DOCK2: variants seen among roughly 807,000 people sequenced by gnomAD.
DOCK2 encodes dedicator of cytokinesis protein 2.
In DOCK2, 87 loss-of-function variants were observed where a neutral mutation model predicts 248.9. The observed-to-expected ratio is 0.35, with a 90% CI of 0.29 to 0.42. The LOEUF (loss-of-function observed/expected upper bound fraction) is 0.42. Among genes scored for constraint, DOCK2 ranks in the 10% least tolerant of loss-of-function variants. DOCK2 has a pLI of 1.00. For synonymous variants in DOCK2, 805 were observed against 821.6 expected, an observed-to-expected ratio of 0.98 and a Z score of 0.35; for missense variants, 1,747 against 2,300.2, an observed-to-expected ratio of 0.76 and a Z score of 4.92.
At chr5:169,940,874 C>G (rs760877422) in intron 27 of DOCK2, among the ~76,000 whole-genome samples, 2 of 152,154 alleles carry the variant, frequency 1.3e-5, no homozygotes, top group Non-Finnish European at 2.9e-5. Context: ...GTGTTGGGGA[C>G]CCCAGATCTA....
At chr5:169,875,669 G>A (rs1367041273) in intron 27 of DOCK2, 2 of 177,766 alleles carry the variant, frequency 1.1e-5, no homozygotes, top group Admixed American at 1.2e-4. Flanking sequence ...TCTGTAACAT[G>A]GGGGTACTTT....
intron 25 of DOCK2, among the ~76,000 whole-genome samples, chr5:169,767,356 A>T (rs971838818): frequency 5.9e-5 from 9 of 152,162 alleles, no homozygotes; most frequent in African/African-American, 2.2e-4. Flanking sequence ...TACTCTGTTG[A>T]TAGTTGCTTT....
At chr5:169,850,104 G>A (rs555257703) in intron 27 of DOCK2, among the ~76,000 whole-genome samples, 5 of 152,252 alleles carry the variant, frequency 3.3e-5, no homozygotes, top group African/African-American at 9.6e-5. Context: ...GGTGGGGAGC[G>A]GAAGCATCCC....
chr5:169,731,411 C>T (rs1762760991), intron 22 of DOCK2, among the ~76,000 whole-genome samples: 1 of 152,208 alleles, frequency 6.6e-6, no homozygotes, highest in African/African-American at 2.4e-5. Context: ...CAAGCTCCCT[C>T]TTTGCCTGCT....
At chr5:169,864,546 G>T in intron 27 of DOCK2, 1 of 1,071,940 alleles carries the variant, frequency 9.3e-7, no homozygotes, top group South Asian at 1.7e-5. Flanking sequence ...TAATATGGAA[G>T]AGCATGAGCT....
intron 32 of DOCK2, among the ~76,000 whole-genome samples, chr5:170,013,256 C>T (rs1210424698): frequency 1.3e-5 from 2 of 152,046 alleles, no homozygotes; most frequent in African/African-American, 4.8e-5. Flanking sequence ...GTGTGGCCAT[C>T]CGTCCATTCA....
chr5:169,850,584 T>G (rs1255026311), intron 27 of DOCK2, among the ~76,000 whole-genome samples: 1 of 152,176 alleles, frequency 6.6e-6, no homozygotes, highest in African/African-American at 2.4e-5. Context: ...AATGACAGTT[T>G]GTAGCCAAAA....
At chr5:169,862,506 GA>G (rs60698190) in intron 27 of DOCK2, among the ~76,000 whole-genome samples, 40 of 150,194 alleles carry the variant, frequency 2.7e-4, no homozygotes, top group Admixed American at 1.5e-3. Context: ...ATGGATACAG[GA>G]AAAAAAAAAT....
chr5:170,030,113 A>T (rs1186987365), intron 34 of DOCK2, among the ~76,000 whole-genome samples: 1 of 152,236 alleles, frequency 6.6e-6, no homozygotes, highest in African/African-American at 2.4e-5. Flanking sequence ...TATTGACCAG[A>T]AGTGAAGCAA....
chr5:169,880,372 T>C (rs1214757693), intron 27 of DOCK2, among the ~76,000 whole-genome samples: 1 of 152,202 alleles, frequency 6.6e-6, no homozygotes, highest in East Asian at 1.9e-4. Context: ...CCAGAGAGAA[T>C]GAGAAGTTTT....
chr5:169,887,442 T>G (rs934281772), intron 27 of DOCK2, among the ~76,000 whole-genome samples: 1 of 152,152 alleles, frequency 6.6e-6, no homozygotes, highest in African/African-American at 2.4e-5. Flanking sequence ...ACATTCATTC[T>G]AGCCTTCTCC....
At position 169,792,032 on chromosome 5, in the gene DOCK2, G is replaced by C. The variant is rs138471830; in HGVS notation, c.2555-11026G>C. On this transcript the variant is annotated intron_variant, in intron 25 of 51. Coordinates refer to ENST00000520908, the MANE Select transcript of DOCK2 (RefSeq NM_004946.3). Reference sequence around the variant, plus strand: ...GAGTTCCTGGTTAAGTAGAGATTGAGAGTCATGAAACCATGGAATTCTATG... The same window carrying C: ...GAGTTCCTGGTTAAGTAGAGATTGACAGTCATGAAACCATGGAATTCTATG... Among the ~76,000 whole-genome samples, 678 of 152,298 alleles carry C rather than the reference G, an allele frequency of 4.5e-3. 11 individuals are homozygous for C. The highest frequency in any genetic ancestry group is 0.016 in the African/African-American group (660 of 41,564).
chr5:170,015,279 T>A (rs1233899884), intron 32 of DOCK2, among the ~76,000 whole-genome samples: 1 of 152,192 alleles, frequency 6.6e-6, no homozygotes, highest in African/African-American at 2.4e-5. Flanking sequence ...GATTTTATTA[T>A]CTTCATCTTA....
chr5:169,984,435 T>C (rs1420477647), intron 28 of DOCK2, among the ~76,000 whole-genome samples: 2 of 152,304 alleles, frequency 1.3e-5, no homozygotes, highest in Admixed American at 1.3e-4. Context: ...TGATAGGCAG[T>C]ATGCACTTAA....
chr5:170,070,434 C>T (rs985896231), intron 46 of DOCK2, among the ~76,000 whole-genome samples: 3 of 152,240 alleles, frequency 2.0e-5, no homozygotes, highest in African/African-American at 7.2e-5. Context: ...AAACACCAAG[C>T]ACTGCACAGA....
intron 30 of DOCK2, among the ~76,000 whole-genome samples, chr5:170,005,047 C>A (rs1447712401): frequency 2.2e-5 from 3 of 135,476 alleles, no homozygotes; most frequent in Non-Finnish European, 4.6e-5. Flanking sequence ...TGCACATGTA[C>A]CCTAAAACTT....
intron 26 of DOCK2, among the ~76,000 whole-genome samples, chr5:169,804,346 C>A (rs541820372): frequency 6.6e-6 from 1 of 152,150 alleles, no homozygotes; most frequent in African/African-American, 2.4e-5. Context: ...ATGACATACC[C>A]GGTGTGCGCT....
At chr5:169,739,197 C>T (rs1160948974) in intron 22 of DOCK2, among the ~76,000 whole-genome samples, 1 of 152,132 alleles carries the variant, frequency 6.6e-6, no homozygotes. Flanking sequence ...TTGGCATGAC[C>T]ATAGTTTAGA....
intron 27 of DOCK2, among the ~76,000 whole-genome samples, chr5:169,949,795 T>C (rs1776588856): frequency 1.3e-5 from 2 of 150,798 alleles, no homozygotes; most frequent in South Asian, 2.1e-4. Flanking sequence ...ACTGAGAAGG[T>C]TGTCACCCTG....
Sources: gnomAD v4.1 joint callset for allele counts (sites outside exome capture counted in the v4.1 genomes callset) on GRCh38, gnomAD v4.1.1 for gene constraint, MANE v1.5 for transcripts, NCBI Gene and HGNC (gene_info 2026-07-23, HGNC 2026-07-21) for gene names.